Variants in PARD3B observed in about 807,000 individuals in gnomAD.
The protein encoded by PARD3B is par-3 family cell polarity regulator beta, also known as partitioning defective 3 homolog B.
PARD3B carries 103 observed loss-of-function variants against 130.2 expected under a neutral mutation model. The ratio of observed to expected loss-of-function variants is 0.79; its 90% CI spans 0.67 to 0.93. The LOEUF is 0.93. PARD3B is among the 40% of genes least tolerant of loss of function. The probability of loss-of-function intolerance (pLI) is 0.00; values close to 1 mark genes in which losing one functional copy is unlikely to be tolerated. For missense variants in PARD3B, 1,609 were observed against 1,499.2 expected (o/e 1.07, Z -1.21); for synonymous variants, 583 against 553.2 (o/e 1.05, Z -0.76).
intron 20 of PARD3B, among the ~76,000 whole-genome samples, chr2:205,483,059 A>C (rs2049305529): frequency 6.8e-6 from 1 of 146,092 alleles, no homozygotes; most frequent in African/African-American, 2.5e-5. Context: ...ATCTCGGTTC[A>C]TTGTGTGTCC....
intron 1 of PARD3B, among the ~76,000 whole-genome samples, chr2:204,560,493 TCCATGAGCTGTACGTGG>T (rs1340482451): frequency 6.6e-6 from 1 of 151,164 alleles, no homozygotes; most frequent in Non-Finnish European, 1.5e-5. Flanking sequence ...CAGGTTTCAC[TCCATGAGCTGTACGTGG>T]CCAGGGGTTT....
rs530841906 is a variant in PARD3B, at chr2:204,832,188, T to C, written c.223-132964T>C. Among the ~76,000 whole-genome samples the C allele has an allele frequency of 6.6e-5, 10 of 152,052 alleles. No individual in the cohort carries two copies. In the East Asian group the frequency reaches 1.9e-3, roughly 30 times the overall value. On this transcript the variant is annotated intron_variant, in intron 2 of 22. Transcript: ENST00000406610. ...TTGCAGTGAGCTGAGATCACGCCACTGCACTCCAGTCTGGGCGACTGAGCG... is the reference window on the plus strand; with the variant it reads ...TTGCAGTGAGCTGAGATCACGCCACCGCACTCCAGTCTGGGCGACTGAGCG...
intron 5 of PARD3B, among the ~76,000 whole-genome samples, chr2:205,108,286 T>A (rs1703367155): frequency 6.6e-6 from 1 of 152,184 alleles, no homozygotes; most frequent in South Asian, 2.1e-4. Flanking sequence ...GCATAAATAT[T>A]TCTAAACCAT....
intron 2 of PARD3B, among the ~76,000 whole-genome samples, chr2:204,738,440 T>A (rs961878473): frequency 1.9e-4 from 29 of 152,236 alleles, no homozygotes; most frequent in African/African-American, 6.8e-4. Flanking sequence ...AATGTGGAAC[T>A]AATGAGATTG....
chr2:204,564,071 G>A (rs1453807819), intron 1 of PARD3B, among the ~76,000 whole-genome samples: 1 of 152,172 alleles, frequency 6.6e-6, no homozygotes, highest in Non-Finnish European at 1.5e-5. Flanking sequence ...ACTGCGCCCG[G>A]CCAGTGGTCT....
chr2:205,583,071 A>G (rs1457059047), intron 22 of PARD3B, among the ~76,000 whole-genome samples: 1 of 152,220 alleles, frequency 6.6e-6, no homozygotes, highest in African/African-American at 2.4e-5. Context: ...TTCTTGATTT[A>G]GGGAGATTCA....
rs1173833121 is a variant in PARD3B, at chr2:205,116,649, G to A, written c.681-2272G>A. The stretch of plus-strand genomic sequence containing the variant: ...ACAGCCCACCAGTTCAGGGCAAAGA[G>A]GATAATGAGGTATTGTTTTCTGAGC... On this transcript the variant is annotated intron_variant, in intron 6 of 22. Transcript: ENST00000406610. This position sits in a 1 kb window ranked among gnomAD's most constrained non-coding sequence, Gnocchi z 4.5. Among the ~76,000 whole-genome samples the A allele has an allele frequency of 6.6e-6, 1 of 152,108 alleles. No individual in the cohort carries two copies. The highest frequency in any genetic ancestry group is 2.4e-5 in the African/African-American group (1 of 41,414).
intron 4 of PARD3B, among the ~76,000 whole-genome samples, chr2:205,063,084 G>A (rs966372360): frequency 1.3e-5 from 2 of 151,860 alleles, no homozygotes; most frequent in African/African-American, 2.4e-5. Context: ...TTGCAAATAT[G>A]CAATTATCTC....
At chr2:204,711,209 G>A (rs2038417507) in intron 2 of PARD3B, among the ~76,000 whole-genome samples, 3 of 152,116 alleles carry the variant, frequency 2.0e-5, no homozygotes, top group Admixed American at 2.0e-4. Context: ...TATTGAGACA[G>A]CCACTTAAGA....
intron 18 of PARD3B, among the ~76,000 whole-genome samples, chr2:205,373,306 C>G (rs2044896669): frequency 6.6e-6 from 1 of 152,200 alleles, no homozygotes; most frequent in Admixed American, 6.5e-5. Context: ...TGCTCTGATC[C>G]TAGGTGTAGT....
chr2:205,312,531 A>G lies in PARD3B; in HGVS notation c.2630+10830A>G, dbSNP rs534622064. On this transcript the variant is annotated intron_variant, in intron 18 of 22. Coordinates refer to ENST00000406610, the MANE Select transcript of PARD3B (RefSeq NM_001302769.2). Reference sequence around the variant, plus strand: ...AATAGAAATTTGCATGTCGAAGGCCACCACCCATGCAGCCATCCATTGTTC... The same window carrying G: ...AATAGAAATTTGCATGTCGAAGGCCGCCACCCATGCAGCCATCCATTGTTC... Among the ~76,000 whole-genome samples the G allele has an allele frequency of 3.3e-5, 5 of 152,332 alleles. No individual in the cohort carries two copies. The East Asian group carries it at 9.6e-4, about 29-fold the overall frequency.
chr2:204,781,387 A>G (rs2041831510), intron 2 of PARD3B, among the ~76,000 whole-genome samples: 1 of 152,148 alleles, frequency 6.6e-6, no homozygotes, highest in Non-Finnish European at 1.5e-5. Flanking sequence ...ATTTTAATAA[A>G]ACTATACATG....
At chr2:204,671,607 A>G (rs2036304944) in intron 1 of PARD3B, among the ~76,000 whole-genome samples, 2 of 152,130 alleles carry the variant, frequency 1.3e-5, no homozygotes, top group Non-Finnish European at 2.9e-5. Context: ...GATTTGAGTT[A>G]CAGATATCTG....
At chr2:205,387,339 T>G (rs2045696826) in intron 18 of PARD3B, among the ~76,000 whole-genome samples, 1 of 152,234 alleles carries the variant, frequency 6.6e-6, no homozygotes, top group Non-Finnish European at 1.5e-5. Flanking sequence ...AAATTTAGAT[T>G]AAATAATTTA....
At chr2:204,863,897 A>G (rs2045311169) in intron 2 of PARD3B, among the ~76,000 whole-genome samples, 1 of 152,230 alleles carries the variant, frequency 6.6e-6, no homozygotes, top group Non-Finnish European at 1.5e-5. Context: ...GTACAGTTGA[A>G]TTTTATGAAA....
chr2:205,540,971 A>C (rs2052099103), intron 21 of PARD3B, among the ~76,000 whole-genome samples: 1 of 151,904 alleles, frequency 6.6e-6, no homozygotes, highest in African/African-American at 2.4e-5. Context: ...GTGTAGATGA[A>C]TCAATGCTCA....
At chr2:205,298,636 T>G (rs1217834467) in intron 16 of PARD3B, among the ~76,000 whole-genome samples, 1 of 152,188 alleles carries the variant, frequency 6.6e-6, no homozygotes, top group Non-Finnish European at 1.5e-5. Flanking sequence ...ATCCTGTATA[T>G]TGTTCAAAGT....
chr2:204,780,439 A>G (rs139398552), intron 2 of PARD3B, among the ~76,000 whole-genome samples: 1 of 152,314 alleles, frequency 6.6e-6, no homozygotes, highest in East Asian at 1.9e-4. Flanking sequence ...CATGAAACAG[A>G]TTTTTTAAAT....
intron 5 of PARD3B, among the ~76,000 whole-genome samples, chr2:205,113,228 G>A (rs914138081): frequency 6.6e-6 from 1 of 152,132 alleles, no homozygotes; most frequent in African/African-American, 2.4e-5. Context: ...TAAGTAGGAA[G>A]TTATTTTTGT....
Sources: gnomAD v4.1 joint callset for allele counts (sites outside exome capture counted in the v4.1 genomes callset) on GRCh38, gnomAD v4.1.1 for gene constraint, Gnocchi (gnomAD v3.1) non-coding constraint, MANE v1.5 for transcripts, NCBI Gene and HGNC (gene_info 2026-07-23, HGNC 2026-07-21) for gene names.